FSTL5: variants seen among roughly 807,000 people sequenced by gnomAD.
FSTL5 encodes follistatin-related protein 5.
In FSTL5, 62 loss-of-function variants were observed where a neutral mutation model predicts 89.1. That is an observed-to-expected ratio of 0.70 (90% CI 0.57 to 0.86). The LOEUF (loss-of-function observed/expected upper bound fraction) is 0.86, where lower values mean the gene tolerates loss of function less well. Among genes scored for constraint, FSTL5 ranks in the 40% least tolerant of loss-of-function variants. The probability of loss-of-function intolerance (pLI) is 0.00; values close to 1 mark genes in which losing one functional copy is unlikely to be tolerated. For missense variants in FSTL5, 1,057 were observed against 1,001.6 expected (o/e 1.06, Z -0.75); for synonymous variants, 383 against 346.2 (o/e 1.11, Z -1.18).
chr4:162,100,618 C>T (rs1032988420), intron 2 of FSTL5, among the ~76,000 whole-genome samples: 4 of 152,064 alleles, frequency 2.6e-5, no homozygotes, highest in Non-Finnish European at 5.9e-5. Flanking sequence ...ATCAAAACCC[C>T]TAGAATATAC....
At position 161,510,437 on chromosome 4, in the gene FSTL5, G is replaced by GAAAGAAAAAGAAGAA; in HGVS notation, c.1313-28_1313-14dup. 1.3e-6 allele frequency: 2 copies of GAAAGAAAAAGAAGAA among 1,498,508 alleles called. No individual in the cohort carries two copies. The highest frequency in any genetic ancestry group is 1.8e-6 in the Non-Finnish European group (2 of 1,113,992). 92.8% of individuals were successfully genotyped at this position (1,498,508 alleles called of 1,614,324 possible). On this transcript the variant is annotated splice_polypyrimidine_tract_variant and intron_variant, in intron 10 of 15. Transcript: ENST00000306100. ...AATATGTTAGCTACTGCAGCATGTT[G>GAAAGAAAAAGAAGAA]AAAGAAAAAGAAGAAAAAGAAAAAT...
At chr4:161,892,099 T>A (rs542476953) in intron 4 of FSTL5, among the ~76,000 whole-genome samples, 1 of 152,162 alleles carries the variant, frequency 6.6e-6, no homozygotes, top group Admixed American at 6.5e-5. Context: ...TTTCCTGATG[T>A]ACTTATTTCA....
intron 6 of FSTL5, among the ~76,000 whole-genome samples, chr4:161,754,786 T>A (rs1044379687): frequency 2.0e-5 from 3 of 152,166 alleles, no homozygotes; most frequent in Non-Finnish European, 4.4e-5. Flanking sequence ...AGTGTATGGT[T>A]ATCTTGTCTG....
At chr4:161,602,436 G>A (rs1217853968) in intron 7 of FSTL5, among the ~76,000 whole-genome samples, 3 of 151,474 alleles carry the variant, frequency 2.0e-5, no homozygotes, top group Non-Finnish European at 4.4e-5. Flanking sequence ...AATAGAACAG[G>A]GTATCCAAAA....
intron 4 of FSTL5, among the ~76,000 whole-genome samples, chr4:161,812,691 A>G (rs1730191856): frequency 6.6e-6 from 1 of 152,058 alleles, no homozygotes; most frequent in East Asian, 1.9e-4. Context: ...AGGCTTCCAA[A>G]GGTGAATGCC....
chr4:161,683,867 C>A (rs1445117515), intron 6 of FSTL5, among the ~76,000 whole-genome samples: 1 of 152,084 alleles, frequency 6.6e-6, no homozygotes, highest in African/African-American at 2.4e-5. Flanking sequence ...TACACTGCAC[C>A]CAATTTGTGG....
chr4:161,809,593 G>A (rs1286176052), intron 4 of FSTL5, among the ~76,000 whole-genome samples: 2 of 152,230 alleles, frequency 1.3e-5, no homozygotes, highest in Non-Finnish European at 2.9e-5. Flanking sequence ...ATCAATGGAA[G>A]TGGGTCAATG....
intron 15 of FSTL5, among the ~76,000 whole-genome samples, chr4:161,434,052 C>A (rs1043785800): frequency 1.3e-5 from 2 of 151,848 alleles, no homozygotes; most frequent in Non-Finnish European, 2.9e-5. Context: ...AAAAAAGAAA[C>A]CCTAAAATGT....
chr4:161,889,186 C>T (rs895693781), intron 4 of FSTL5, among the ~76,000 whole-genome samples: 1 of 152,092 alleles, frequency 6.6e-6, no homozygotes, highest in Non-Finnish European at 1.5e-5. Context: ...CGATCATCCA[C>T]AAAATAGAGA....
rs533113437 is a variant in FSTL5 at position 161,461,963 on chromosome 4, T to G, written c.1609-2644A>C. 2.6e-4 allele frequency among the ~76,000 whole-genome samples: 40 copies of G among 152,280 alleles called. No individual in the cohort carries two copies. The South Asian group carries it at 3.3e-3, about 13-fold the overall frequency. ...AAAAAAAATCTCATTGTTATTTAAT[T>G]GTAAGACTATATCAAAGGTCTGTAA... On this transcript the variant is annotated intron_variant, in intron 13 of 15. Transcript: ENST00000306100.
At chr4:161,964,852 C>T (rs1735280267) in intron 3 of FSTL5, among the ~76,000 whole-genome samples, 1 of 151,946 alleles carries the variant, frequency 6.6e-6, no homozygotes, top group Non-Finnish European at 1.5e-5. Flanking sequence ...CACATATGGT[C>T]ACAATTCCTT....
At chr4:161,601,569 C>A (rs10011899) in intron 7 of FSTL5, among the ~76,000 whole-genome samples, 2,373 of 152,074 alleles carry the variant, frequency 0.016, 58 homozygotes, top group African/African-American at 0.054. Context: ...CTGGCACCAC[C>A]CATGCTTGCA....
At chr4:162,092,220 C>G (rs1161768196) in intron 2 of FSTL5, among the ~76,000 whole-genome samples, 1 of 152,084 alleles carries the variant, frequency 6.6e-6, no homozygotes. Context: ...TACCAGGCAT[C>G]TGCATGTTTA....
intron 10 of FSTL5, among the ~76,000 whole-genome samples, chr4:161,519,565 A>T (rs1730956776): frequency 1.3e-5 from 2 of 152,012 alleles, no homozygotes; most frequent in Non-Finnish European, 2.9e-5. Context: ...CGAAATTTCT[A>T]ATAAGAAAAC....
chr4:161,752,245 A>C (rs1209265986), intron 6 of FSTL5, among the ~76,000 whole-genome samples: 4 of 151,984 alleles, frequency 2.6e-5, no homozygotes, highest in African/African-American at 7.3e-5. Context: ...AGATAGATAG[A>C]TAGATAGATA....
At chr4:161,593,566 G>T (rs1433472816) in intron 7 of FSTL5, among the ~76,000 whole-genome samples, 1 of 151,764 alleles carries the variant, frequency 6.6e-6, no homozygotes, top group Admixed American at 6.6e-5. Flanking sequence ...AGGAAGAAGG[G>T]ATGAGGAGGG....
chr4:162,124,173 T>A (rs1049753375), intron 1 of FSTL5, among the ~76,000 whole-genome samples: 1 of 152,174 alleles, frequency 6.6e-6, no homozygotes, highest in Non-Finnish European at 1.5e-5. Context: ...CTTACACAAG[T>A]GAACTTTTGA....
At chr4:161,520,365 A>C (rs1730983175) in intron 10 of FSTL5, among the ~76,000 whole-genome samples, 1 of 151,518 alleles carries the variant, frequency 6.6e-6, no homozygotes, top group African/African-American at 2.4e-5. Context: ...AATTGTATTT[A>C]TAATATAAAA....
intron 10 of FSTL5, among the ~76,000 whole-genome samples, chr4:161,533,340 GAA>G (rs34130737): frequency 6.6e-6 from 1 of 151,188 alleles, no homozygotes; most frequent in Non-Finnish European, 1.5e-5. Flanking sequence ...AATTAAGGGG[GAA>G]AAAAAAGAGA....
Sources: gnomAD v4.1 joint callset for allele counts (sites outside exome capture counted in the v4.1 genomes callset) on GRCh38, gnomAD v4.1.1 for gene constraint, MANE v1.5 for transcripts, NCBI Gene and HGNC (gene_info 2026-07-23, HGNC 2026-07-21) for gene names.